IFT74: variants seen among roughly 807,000 people sequenced by gnomAD.
IFT74 encodes the protein intraflagellar transport 74.
A neutral mutation model predicts 96.7 loss-of-function variants in IFT74; 92 were observed. The ratio of observed to expected loss-of-function variants is 0.95; its 90% CI spans 0.80 to 1.13. The LOEUF is 1.13. Among genes scored for constraint, IFT74 ranks in the 50% most tolerant of loss-of-function variants. IFT74 has a pLI of 0.00. For missense variants in IFT74, 811 were observed against 698.2 expected, an observed-to-expected ratio of 1.16 and a Z score of -1.82; for synonymous variants, 223 against 213.2, an observed-to-expected ratio of 1.05 and a Z score of -0.40.
chr9:27,057,595 C>T (rs1340186693), intron 18 of IFT74, among the ~76,000 whole-genome samples: 2 of 152,128 alleles, frequency 1.3e-5, no homozygotes, highest in East Asian at 1.9e-4. Context: ...CGGTGGTTCA[C>T]GCCTGTAATC....
chr9:27,002,587 A>G (rs191078775), intron 8 of IFT74, among the ~76,000 whole-genome samples: 1 of 152,286 alleles, frequency 6.6e-6, no homozygotes, highest in African/African-American at 2.4e-5. Flanking sequence ...TTTGTTGAAG[A>G]TGAGTTGATG....
chr9:27,038,156 A>G (rs1819287936), intron 13 of IFT74, among the ~76,000 whole-genome samples: 1 of 152,234 alleles, frequency 6.6e-6, no homozygotes, highest in Non-Finnish European at 1.5e-5. Flanking sequence ...AGATGCCCCA[A>G]AGCCCAAGAC....
In IFT74 at chr9:26,961,989, T is replaced by G. The variant is rs751385133; in HGVS notation, c.22T>G (p.Ser8Ala). The G allele has an allele frequency of 6.2e-7, 1 of 1,614,166 alleles. No individual in the cohort carries two copies. Among genetic ancestry groups the G allele is most frequent in the Non-Finnish European group, 8.5e-7 (1 of 1,179,992 alleles). The change falls in exon 2 of 20, where the codon TCA becomes GCA. Residue 8 changes from serine to alanine, a missense_variant. By Grantham distance (99) the Ser-to-Ala change is moderately conservative. Transcript: ENST00000380062. Reference sequence around the variant, plus strand: ...AACAATGGCCAGCAATCACAAATCTTCAGCAGCTCGCCCTGTTTCAAGAGG... The same window carrying G: ...AACAATGGCCAGCAATCACAAATCTGCAGCAGCTCGCCCTGTTTCAAGAGG... The part of the protein sequence containing the change: MASNHKS[S>A]AARPVSRGGV...
chr9:26,991,590 T>C (rs1209090156), intron 8 of IFT74, among the ~76,000 whole-genome samples: 1 of 152,138 alleles, frequency 6.6e-6, no homozygotes, highest in Non-Finnish European at 1.5e-5. Flanking sequence ...CTTTTTCCTT[T>C]TACAAGGAAA....
rs185290165 is a variant in IFT74, at chr9:26,979,145, A to G, written c.256+882A>G. Reference sequence around the variant, plus strand: ...TACAGTATATCATCCCTTTCAAGAGACTTAAATTTTTTTTTTTTGAGACTT... The same window carrying G: ...TACAGTATATCATCCCTTTCAAGAGGCTTAAATTTTTTTTTTTTGAGACTT... On this transcript the variant is annotated intron_variant, in intron 3 of 19. Transcript: ENST00000380062. 7.0e-4 allele frequency among the ~76,000 whole-genome samples: 103 copies of G among 147,222 alleles called. 2 individuals carry two copies. The highest frequency in any genetic ancestry group is 6.6e-3 in the Admixed American group (97 of 14,672).
At chr9:26,947,490 C>G (rs1447728002) in intron 1 of IFT74, 6 of 159,412 alleles carry the variant, frequency 3.8e-5, no homozygotes, top group African/African-American at 1.4e-4. Flanking sequence ...GCCGGGACTA[C>G]AATTCCCATA....
At chr9:27,048,007 C>T in intron 15 of IFT74, 141 bp from the exon 16 acceptor site, 1 of 448,776 alleles carries the variant, frequency 2.2e-6, no homozygotes, top group Non-Finnish European at 3.8e-6. Context: ...ATTTTCTATA[C>T]AATATATAAC....
intron 8 of IFT74, among the ~76,000 whole-genome samples, chr9:27,006,777 A>G (rs1003106075): frequency 6.8e-6 from 1 of 148,078 alleles, no homozygotes. Flanking sequence ...TAAAGATACC[A>G]CCAAGTTTTG....
upstream of IFT74, chr9:26,956,247 C>G (rs1324296782): frequency 6.6e-6 from 1 of 152,262 alleles, no homozygotes; most frequent in Admixed American, 6.5e-5. Context: ...CCGCTGTTTT[C>G]CACTTTTTCC....
chr9:26,973,505 C>T, intron 2 of IFT74, among the ~76,000 whole-genome samples: 1 of 152,158 alleles, frequency 6.6e-6, no homozygotes, highest in East Asian at 1.9e-4. Flanking sequence ...CTTGACCAGA[C>T]ATCAGGATGA....
intron 8 of IFT74, among the ~76,000 whole-genome samples, chr9:26,990,577 T>C (rs1171959679): frequency 6.6e-6 from 1 of 152,222 alleles, no homozygotes; most frequent in Non-Finnish European, 1.5e-5. Flanking sequence ...GCTATTTACA[T>C]TATTTCATTA....
Position 27,014,801 on chromosome 9 carries a change from G to T in IFT74, c.790-2106G>T, listed in dbSNP as rs140812589. ...TTTTTGTATTTTTAGTAGAGACAGGGTTTCACTGTGTTGGCCAGGCTGGTC... is the reference window on the plus strand; with the variant it reads ...TTTTTGTATTTTTAGTAGAGACAGGTTTTCACTGTGTTGGCCAGGCTGGTC... On this transcript the variant is annotated intron_variant, in intron 10 of 19. Transcript: ENST00000380062. Among the ~76,000 whole-genome samples, 278 of 152,232 alleles carry T rather than the reference G, an allele frequency of 1.8e-3. 1 individual carries two copies. The highest frequency in any genetic ancestry group is 6.5e-3 in the African/African-American group (271 of 41,540).
intron 10 of IFT74, 134 bp downstream of exon 10, chr9:27,012,102 C>T: frequency 1.9e-6 from 1 of 525,734 alleles, no homozygotes; most frequent in Non-Finnish European, 3.3e-6. Context: ...ACTTTTTCTT[C>T]CTATTCTGGA....
exon 1 of IFT74, chr9:26,947,124 C>G: frequency 7.2e-7 from 1 of 1,387,398 alleles, no homozygotes; most frequent in Non-Finnish European, 9.4e-7. Context: ...AGCGCCGGGC[C>G]GCGGCGGGAG....
chr9:27,055,348 A>C (rs776053200), intron 16 of IFT74, among the ~76,000 whole-genome samples: 2 of 152,108 alleles, frequency 1.3e-5, no homozygotes, highest in Non-Finnish European at 2.9e-5. Flanking sequence ...AAAAAACTTA[A>C]ATGTTTGTTA....
At chr9:27,004,844 T>C (rs773645028) in intron 8 of IFT74, among the ~76,000 whole-genome samples, 1 of 152,082 alleles carries the variant, frequency 6.6e-6, no homozygotes, top group African/African-American at 2.4e-5. Flanking sequence ...GCATATGATC[T>C]ACGTTACTGA....
rs773454869 is a variant in IFT74, at chr9:27,056,316, C to A, written c.1498-18C>A. 1 of 1,524,498 alleles carries A rather than the reference C, an allele frequency of 6.6e-7. No individual in the cohort carries two copies. The highest frequency in any genetic ancestry group is 8.9e-7 in the Non-Finnish European group (1 of 1,119,998). The allele number at this position is 1,524,498 out of a possible 1,614,324, so 94.4% of individuals were successfully genotyped here. The stretch of plus-strand genomic sequence containing the variant: ...ACATATTTTCTATAACCTGTCACTT[C>A]TATTTGGATCTTTCTAGAAATTACA... On this transcript the variant is annotated intron_variant, in intron 17 of 19. Transcript: ENST00000380062.
chr9:27,054,001 A>T (rs772039829), intron 16 of IFT74, among the ~76,000 whole-genome samples: 3 of 152,346 alleles, frequency 2.0e-5, no homozygotes, highest in Admixed American at 6.5e-5. Flanking sequence ...GTGTACATAC[A>T]CATATATATT....
chr9:27,002,288 T>G (rs1188487814), intron 8 of IFT74, among the ~76,000 whole-genome samples: 1 of 152,250 alleles, frequency 6.6e-6, no homozygotes, highest in East Asian at 1.9e-4. Context: ...TGTGCCACTT[T>G]CATGCGGGTC....
Sources: allele counts gnomAD v4.1 joint callset (sites outside exome capture counted in the v4.1 genomes callset), GRCh38; gene constraint gnomAD v4.1.1; transcripts MANE v1.5; gene names NCBI Gene and HGNC (gene_info 2026-07-23, HGNC 2026-07-21).